CEP170: variants seen among roughly 807,000 people sequenced by gnomAD.
The protein encoded by CEP170 is centrosomal protein of 170 kDa.
A neutral mutation model predicts 151.9 loss-of-function variants in CEP170; 21 were observed. The observed-to-expected ratio is 0.14, with a 90% confidence interval of 0.10 to 0.20. The LOEUF (loss-of-function observed/expected upper bound fraction) is 0.20. Ranked by LOEUF, CEP170 falls within the 10% of genes least tolerant of loss-of-function variation. The pLI is 1.00. For synonymous variants in CEP170, 356 were observed against 648.8 expected (o/e 0.55, Z 6.86); for missense variants, 964 against 1,892.9 (o/e 0.51, Z 9.11).
At chr1:243,205,156 TG>T (rs1311481854) in intron 4 of CEP170, among the ~76,000 whole-genome samples, 4 of 152,120 alleles carry the variant, frequency 2.6e-5, no homozygotes, top group Non-Finnish European at 5.9e-5. Flanking sequence ...TCAACATTAC[TG>T]GAATTCCCAG....
At chr1:243,247,655 G>A (rs1028388418) in intron 1 of CEP170, among the ~76,000 whole-genome samples, 2 of 152,146 alleles carry the variant, frequency 1.3e-5, no homozygotes, top group Non-Finnish European at 2.9e-5. Context: ...CGCCTGCCCT[G>A]GTTGTTCTTA....
At chr1:243,160,633 C>A (rs2057990949) in intron 13 of CEP170, among the ~76,000 whole-genome samples, 1 of 152,092 alleles carries the variant, frequency 6.6e-6, no homozygotes, top group Non-Finnish European at 1.5e-5. Flanking sequence ...ACACACATTG[C>A]ATCTTCATAC....
intron 14 of CEP170, among the ~76,000 whole-genome samples, chr1:243,146,765 C>G (rs190790638): frequency 2.6e-4 from 39 of 151,854 alleles, no homozygotes; most frequent in African/African-American, 9.2e-4. Context: ...TTGTAAGAGA[C>G]CCTATACTAG....
chr1:243,233,939 C>T (rs1001715349), intron 1 of CEP170, among the ~76,000 whole-genome samples: 3 of 151,650 alleles, frequency 2.0e-5, no homozygotes. Flanking sequence ...CCATATCACC[C>T]ATAAAAAGAA....
chr1:243,128,537 T>C (rs2053978684), intron 18 of CEP170: 1 of 456,452 alleles, frequency 2.2e-6, no homozygotes, highest in Admixed American at 4.6e-5. Flanking sequence ...TTGTAGCAGA[T>C]GAAAAGTTTA....
chr1:243,131,596 TATA>T (rs1167924630), intron 17 of CEP170, among the ~76,000 whole-genome samples: 1 of 151,994 alleles, frequency 6.6e-6, no homozygotes, highest in Non-Finnish European at 1.5e-5. Context: ...TAAACTTTAC[TATA>T]ATATTTACTA....
At chr1:243,158,370 G>C (rs1049971774) in intron 13 of CEP170, among the ~76,000 whole-genome samples, 2 of 152,152 alleles carry the variant, frequency 1.3e-5, no homozygotes, top group African/African-American at 4.8e-5. Context: ...CTATACATAT[G>C]ATTGGAAACT....
chr1:243,145,045 CT>C (rs556240899), intron 14 of CEP170, among the ~76,000 whole-genome samples: 11 of 151,352 alleles, frequency 7.3e-5, no homozygotes, highest in Non-Finnish European at 1.5e-4. Context: ...AGTCATAACA[CT>C]TTTTTTTCAC....
rs76939586 is a variant in CEP170, at chr1:243,245,258, G to GTT, written c.-42+9780_-42+9781dup. Among the ~76,000 whole-genome samples, 187 of 146,202 alleles carry GTT rather than the reference G, an allele frequency of 1.3e-3. 2 individuals carry two copies. The highest frequency in any genetic ancestry group is 4.4e-3 in the African/African-American group (176 of 40,092). ...TATTGATAAAAGAAATTTAAATAAG[G>GTT]TTTTTTTTTTTGGTTGTTGTTCATC... On this transcript the variant is annotated intron_variant, in intron 1 of 19. Transcript: ENST00000366542.
At chr1:243,221,306 A>C (rs1271796322) in intron 3 of CEP170, among the ~76,000 whole-genome samples, 1 of 152,188 alleles carries the variant, frequency 6.6e-6, no homozygotes, top group African/African-American at 2.4e-5. Context: ...GACAGGCGTG[A>C]GCCACCGCGC....
At chr1:243,214,290 T>TG in intron 3 of CEP170, among the ~76,000 whole-genome samples, 1 of 146,522 alleles carries the variant, frequency 6.8e-6, no homozygotes, top group East Asian at 2.0e-4. Flanking sequence ...GTTTTTTTTT[T>TG]TTTTTTTTTT....
intron 4 of CEP170, among the ~76,000 whole-genome samples, chr1:243,209,936 G>A (rs7551101): frequency 1.9e-3 from 286 of 152,058 alleles, no homozygotes; most frequent in African/African-American, 6.9e-3. Context: ...CTCATGATCC[G>A]CCTGCCTCAG....
In CEP170 at chr1:243,164,675, T is replaced by G; in HGVS notation, c.3285A>C (p.Pro1095=). 1 of 1,613,774 alleles carries G rather than the reference T, an allele frequency of 6.2e-7. No homozygotes were observed. Among genetic ancestry groups the G allele is most frequent in the Non-Finnish European group, 8.5e-7 (1 of 1,179,722 alleles). ...SSSKSTTLPR[P]RPTRTSLLRR... ...GCAAGAGGGAAGTCCTGGTAGGTCG[T>G]GGCCTTGGAAGGGTGGTTGATTTAC... The change falls in exon 13 of 20, where the codon CCA becomes CCC. Residue 1095 remains proline (P), a synonymous_variant. Coordinates refer to ENST00000366542, the MANE Select transcript of CEP170 (RefSeq NM_014812.3).
At chr1:243,216,388 T>C (rs1319348570) in intron 3 of CEP170, among the ~76,000 whole-genome samples, 1 of 145,654 alleles carries the variant, frequency 6.9e-6, no homozygotes, top group African/African-American at 2.6e-5. Flanking sequence ...CAGAGTGTGA[T>C]GTTCCCCTTC....
At chr1:243,145,198 T>C (rs1284536669) in intron 14 of CEP170, among the ~76,000 whole-genome samples, 6 of 152,230 alleles carry the variant, frequency 3.9e-5, no homozygotes, top group African/African-American at 1.4e-4. Context: ...ATTACAACTA[T>C]AGTAGAAACA....
chr1:243,230,194 T>TAA (rs1193293778), intron 1 of CEP170, among the ~76,000 whole-genome samples: 3 of 140,400 alleles, frequency 2.1e-5, no homozygotes, highest in Non-Finnish European at 4.7e-5. Context: ...CTATGAAAAA[T>TAA]AAAAAAAAAA....
intron 14 of CEP170, among the ~76,000 whole-genome samples, chr1:243,147,897 G>C (rs2056679664): frequency 6.6e-6 from 1 of 152,130 alleles, no homozygotes; most frequent in African/African-American, 2.4e-5. Flanking sequence ...AAAAACAAAA[G>C]AGGCTGGGCA....
intron 13 of CEP170, among the ~76,000 whole-genome samples, chr1:243,159,307 C>G (rs2057844368): frequency 6.6e-6 from 1 of 151,986 alleles, no homozygotes; most frequent in Non-Finnish European, 1.5e-5. Flanking sequence ...TGGACACAGT[C>G]TGCGTAACGA....
intron 1 of CEP170, among the ~76,000 whole-genome samples, chr1:243,231,182 ATCATCATCATTAT>A (rs1045254441): frequency 1.7e-4 from 22 of 130,406 alleles, no homozygotes; most frequent in Non-Finnish European, 3.3e-4. Flanking sequence ...CATCATCATC[ATCATCATCATTAT>A]TATTATTATT....
Sources: gnomAD v4.1 joint callset for allele counts (sites outside exome capture counted in the v4.1 genomes callset) on GRCh38, gnomAD v4.1.1 for gene constraint, MANE v1.5 for transcripts, NCBI Gene and HGNC (gene_info 2026-07-23, HGNC 2026-07-21) for gene names.